The following CES5A variants were observed in gnomAD, a reference collection of about 807,000 sequenced individuals.
CES5A encodes the protein carboxylesterase 5A.
Under a neutral mutation model 62.9 loss-of-function variants are expected in CES5A, and 67 were observed. That is an observed-to-expected ratio of 1.07 (90% CI 0.88 to 1.31). The LOEUF is 1.31. Ranked by LOEUF, CES5A falls within the 50% of genes most tolerant of loss-of-function variation. CES5A has a pLI of 0.00. For synonymous variants in CES5A, 296 were observed against 280.8 expected (o/e 1.05, Z -0.54); for missense variants, 748 against 708.5 (o/e 1.06, Z -0.63).
chr16:55,936,398 T>C (rs1430915535), intron 2 of CES5A, among the ~76,000 whole-genome samples: 4 of 152,232 alleles, frequency 2.6e-5, no homozygotes, highest in Non-Finnish European at 5.9e-5. Flanking sequence ...CTAAGATCTC[T>C]GCCCAGTCAG....
intron 2 of CES5A, among the ~76,000 whole-genome samples, chr16:55,932,817 A>G (rs2034328774): frequency 6.6e-6 from 1 of 152,240 alleles, no homozygotes; most frequent in African/African-American, 2.4e-5. Context: ...CAACTCAGTG[A>G]TAAGTGCAAC....
At chr16:55,924,232 A>G (rs1364843576) in intron 1 of CES5A, among the ~76,000 whole-genome samples, 3 of 152,058 alleles carry the variant, frequency 2.0e-5, no homozygotes, top group Non-Finnish European at 4.4e-5. Context: ...TTTGCAGGAT[A>G]CAAAATCAAC....
intron 2 of CES5A, among the ~76,000 whole-genome samples, chr16:55,934,680 G>A (rs200082511): frequency 0.021 from 1,605 of 78,240 alleles, 51 homozygotes; most frequent in East Asian, 0.12. Context: ...GTGTGTGTGC[G>A]CGTGTGCATG....
Position 55,846,243 on chromosome 16 carries a change from G to A in CES5A, c.*208C>T, listed in dbSNP as rs2033002108. On this transcript the variant is annotated 3_prime_UTR_variant, in exon 13 of 13. Coordinates refer to ENST00000290567, the MANE Select transcript of CES5A (RefSeq NM_001143685.2). ...CCAGCCCTCTTCCAAATTTATTGAAGAAATCTTGTTGCCTTCCAAGACAAA... is the reference window on the plus strand; with the variant it reads ...CCAGCCCTCTTCCAAATTTATTGAAAAAATCTTGTTGCCTTCCAAGACAAA... The A allele has an allele frequency of 3.4e-6, 2 of 588,248 alleles. No individual in the cohort carries two copies. The highest frequency in any genetic ancestry group is 4.3e-5 in the South Asian group (2 of 46,914). The allele number at this position is 588,248 out of a possible 1,614,324, so 36.4% of individuals were successfully genotyped here. A position where few individuals can be genotyped will look rare whatever the true frequency, so the allele number is the denominator to read the frequency against.
upstream of CES5A, among the ~76,000 whole-genome samples, chr16:55,875,724 AAG>A (rs1420650060): frequency 6.6e-6 from 1 of 152,200 alleles, no homozygotes; most frequent in African/African-American, 2.4e-5. Context: ...CCCTGCCAAC[AAG>A]AGTCTTCAAT....
chr16:55,869,519 C>A (rs1391130957), intron 4 of CES5A, 92 bp downstream of exon 4: 1 of 1,465,112 alleles, frequency 6.8e-7, no homozygotes, highest in South Asian at 1.6e-5. Flanking sequence ...TCCCGGAAGG[C>A]TCGCTCCTTC....
At chr16:55,923,668 G>A (rs771319165) in intron 1 of CES5A, among the ~76,000 whole-genome samples, 1 of 151,718 alleles carries the variant, frequency 6.6e-6, no homozygotes, top group Non-Finnish European at 1.5e-5. Flanking sequence ...CATTCTATGA[G>A]GCCAGCATTA....
intron 8 of CES5A, 130 bp from the exon 9 acceptor site, chr16:55,856,575 TGTGGAA>T: frequency 1.4e-6 from 1 of 739,560 alleles, no homozygotes; most frequent in Non-Finnish European, 2.4e-6. Flanking sequence ...AGCAGCCACA[TGTGGAA>T]GTGGCCTCAG....
intron 1 of CES5A, among the ~76,000 whole-genome samples, chr16:55,889,949 T>G (rs1417144683): frequency 6.6e-6 from 1 of 152,208 alleles, no homozygotes; most frequent in Non-Finnish European, 1.5e-5. Context: ...CACAGTGGGC[T>G]AGTCTTAAAA....
intron 1 of CES5A, among the ~76,000 whole-genome samples, chr16:55,951,090 C>T (rs554856345): frequency 2.0e-5 from 2 of 100,770 alleles, no homozygotes; most frequent in South Asian, 3.3e-4. Flanking sequence ...TGGGAGACAG[C>T]GAGACTCCAT....
chr16:55,865,318 T>C (rs2033434120), intron 5 of CES5A, among the ~76,000 whole-genome samples: 1 of 152,240 alleles, frequency 6.6e-6, no homozygotes, highest in African/African-American at 2.4e-5. Context: ...TCTCTCTATT[T>C]ATATTGCTGT....
At chr16:55,921,649 A>C (rs1206244642) in intron 1 of CES5A, among the ~76,000 whole-genome samples, 6 of 151,652 alleles carry the variant, frequency 4.0e-5, no homozygotes, top group African/African-American at 7.3e-5. Flanking sequence ...AAAAAAAAAA[A>C]AAAACCATTG....
chr16:55,896,656 T>A (rs1464504984), intron 1 of CES5A, among the ~76,000 whole-genome samples: 8 of 152,258 alleles, frequency 5.3e-5, no homozygotes, highest in Non-Finnish European at 1.2e-4. Context: ...TCCTGACTCT[T>A]GGCCAGTGTC....
intron 9 of CES5A, among the ~76,000 whole-genome samples, chr16:55,853,657 C>T (rs570946597): frequency 6.6e-6 from 1 of 152,316 alleles, no homozygotes; most frequent in South Asian, 2.1e-4. Context: ...TGCCCCAGAG[C>T]AGTTCTTTAG....
intron 1 of CES5A, among the ~76,000 whole-genome samples, chr16:55,902,203 T>G (rs918072414): frequency 7.2e-5 from 11 of 152,094 alleles, no homozygotes; most frequent in Admixed American, 6.5e-4. Context: ...GGATGAGAAA[T>G]GCGAACATTT....
At chr16:55,951,021 G>A (rs2034550723) in intron 1 of CES5A, among the ~76,000 whole-genome samples, 1 of 137,786 alleles carries the variant, frequency 7.3e-6, no homozygotes, top group South Asian at 2.4e-4. Context: ...AGAATGGCAT[G>A]AACCTGGGAG....
At chr16:55,930,981 T>G (rs1259737312) in intron 2 of CES5A, among the ~76,000 whole-genome samples, 1 of 152,308 alleles carries the variant, frequency 6.6e-6, no homozygotes, top group Middle Eastern at 3.4e-3. Flanking sequence ...CCACCACCAG[T>G]ATGATTCTGT....
upstream of CES5A, among the ~76,000 whole-genome samples, chr16:55,879,861 G>A (rs1207728719): frequency 1.3e-5 from 2 of 152,190 alleles, no homozygotes; most frequent in Non-Finnish European, 2.9e-5. Context: ...CCAAAGCTCT[G>A]GGATTACAGG....
At chr16:55,856,602 A>T (rs1458889799) in intron 8 of CES5A, among the ~76,000 whole-genome samples, 157 bp from the exon 9 acceptor site, 2 of 152,226 alleles carry the variant, frequency 1.3e-5, no homozygotes, top group African/African-American at 4.8e-5. Context: ...TGTGCTTGTC[A>T]GATAGTTAAT....
Sources: allele counts gnomAD v4.1 joint callset (sites outside exome capture counted in the v4.1 genomes callset), GRCh38; gene constraint gnomAD v4.1.1; transcripts MANE v1.5; gene names NCBI Gene and HGNC (gene_info 2026-07-23, HGNC 2026-07-21).